The following ANK1 variants were observed in gnomAD, a reference collection of about 807,000 sequenced individuals.
The protein encoded by ANK1 is ankyrin-1.
A neutral mutation model predicts 210.4 loss-of-function variants in ANK1; 51 were observed. The observed-to-expected ratio is 0.24, with a 90% CI of 0.19 to 0.31. The LOEUF (loss-of-function observed/expected upper bound fraction) is 0.31. ANK1 is among the 10% of genes least tolerant of loss of function. ANK1 has a pLI of 1.00. For missense variants in ANK1, 2,051 were observed against 2,504.4 expected (o/e 0.82, Z 3.86); for synonymous variants, 967 against 1,025.9 (o/e 0.94, Z 1.10).
At chr8:41,701,440 G>A in intron 22 of ANK1, 110 bp downstream of exon 22, 1 of 943,610 alleles carries the variant, frequency 1.1e-6, no homozygotes, top group South Asian at 1.3e-5. Context: ...CATCTATAGT[G>A]CTTGGGCGTG....
chr8:41,681,145 C>G (rs774390434), intron 37 of ANK1, among the ~76,000 whole-genome samples: 4 of 152,180 alleles, frequency 2.6e-5, no homozygotes, highest in Non-Finnish European at 4.4e-5. Flanking sequence ...GGTCATCAGA[C>G]AGCCTCACCC....
rs80338618 is a variant in ANK1 at position 41,692,353 on chromosome 8, G to A, written c.3858+295C>T. Among the ~76,000 whole-genome samples, 11,405 of 152,218 alleles carry A rather than the reference G, an allele frequency of 0.075. 1,300 individuals are homozygous for A. Among genetic ancestry groups the A allele is most frequent in the African/African-American group, 0.24 (10,129 of 41,492 alleles). On this transcript the variant is annotated intron_variant, in intron 31 of 42. Coordinates refer to ENST00000289734, the MANE Select transcript of ANK1 (RefSeq NM_000037.4). ...ATGAAAGGCGTGAGCCACTGCGCCCGGCATGGCCAGCACTTTTAATAGTCC... is the reference window on the plus strand; with the variant it reads ...ATGAAAGGCGTGAGCCACTGCGCCCAGCATGGCCAGCACTTTTAATAGTCC...
chr8:41,727,416 G>A (rs750625044), intron 4 of ANK1, 68 bp from the exon 5 acceptor site: 25 of 1,128,586 alleles, frequency 2.2e-5, no homozygotes, highest in Non-Finnish European at 2.5e-5. Flanking sequence ...CCAGCACAAC[G>A]TCCTCTCACC....
chr8:41,682,308 A>G (rs555621320), intron 37 of ANK1, among the ~76,000 whole-genome samples: 2 of 152,246 alleles, frequency 1.3e-5, no homozygotes, highest in Admixed American at 1.3e-4. Context: ...CAAGTCCTCG[A>G]GTGCCACCCG....
chr8:41,854,947 CA>C (rs1230126959), intron 1 of ANK1, among the ~76,000 whole-genome samples: 1 of 108,182 alleles, frequency 9.2e-6, no homozygotes, highest in African/African-American at 3.9e-5. Context: ...AACCCTATCT[CA>C]AAAGAAAAAA....
chr8:41,661,941 T>C lies in ANK1; in HGVS notation c.5479A>G (p.Ile1827Val). The C allele has an allele frequency of 6.2e-7, 1 of 1,613,750 alleles. No individual in the cohort carries two copies. Among genetic ancestry groups the C allele is most frequent in the Non-Finnish European group, 8.5e-7 (1 of 1,179,982 alleles). Residue 1827 changes from isoleucine (I) to valine (V), a missense_variant and splice_region_variant, in exon 41 of 43, where the codon ATC becomes GTC. Physicochemically the swap from Ile to Val is conservative, Grantham distance 29. Around this residue, in one of 6 missense-constraint regions of ANK1, gnomAD observed 496 missense variants for 533.4 expected, o/e 0.93. Transcript: ENST00000289734. ...ATCTGTCGAACCACCTTGCGAATGA[T>C]CTAGGAAAGGAAGGGAAGGAGGAAA... ...DEQGNIVTKK[I>V]IRKVVRQIDL...
At chr8:41,893,610 C>T (rs1819875021) in intron 1 of ANK1, among the ~76,000 whole-genome samples, 1 of 152,356 alleles carries the variant, frequency 6.6e-6, no homozygotes, top group Non-Finnish European at 1.5e-5. Flanking sequence ...TGCGGTTCTG[C>T]TCAGTCAGTC....
At chr8:41,749,524 T>C (rs1406014551) in intron 2 of ANK1, among the ~76,000 whole-genome samples, 3 of 148,480 alleles carry the variant, frequency 2.0e-5, no homozygotes, top group Non-Finnish European at 4.4e-5. Context: ...CTCAAACTCA[T>C]GACCTCAGGT....
intron 2 of ANK1, among the ~76,000 whole-genome samples, chr8:41,747,319 G>A (rs564919215): frequency 6.6e-6 from 1 of 152,072 alleles, no homozygotes; most frequent in Admixed American, 6.6e-5. Flanking sequence ...AAGCAGAGAG[G>A]CAAATCTTCC....
rs561432707 is a variant in ANK1 at position 41,717,714 on chromosome 8, A to G, written c.1207-12T>C. On this transcript the variant is annotated splice_polypyrimidine_tract_variant and intron_variant, in intron 11 of 42. Coordinates refer to ENST00000289734, the MANE Select transcript of ANK1 (RefSeq NM_000037.4). ...GGTGTCAGGCCAGACTGAAACAGAC[A>G]AAGGCAGAGTCCGATAAGTGGGAGT... 1.4e-5 allele frequency: 22 copies of G among 1,548,336 alleles called. No individual in the cohort carries two copies. The African/African-American group carries it at 2.6e-4, about 18-fold the overall frequency.
At chr8:41,815,589 C>T (rs1803191010) in intron 1 of ANK1, among the ~76,000 whole-genome samples, 1 of 151,978 alleles carries the variant, frequency 6.6e-6, no homozygotes, top group Non-Finnish European at 1.5e-5. Context: ...GTTATTTTCC[C>T]TCTACAAAAA....
intron 1 of ANK1, among the ~76,000 whole-genome samples, chr8:41,841,664 C>T (rs902779942): frequency 1.3e-5 from 2 of 152,094 alleles, no homozygotes; most frequent in African/African-American, 4.8e-5. Context: ...GATGTCCAAA[C>T]TCATCAAATG....
chr8:41,818,051 G>A (rs970182642), intron 1 of ANK1, among the ~76,000 whole-genome samples: 5 of 152,156 alleles, frequency 3.3e-5, no homozygotes, highest in Admixed American at 1.3e-4. Flanking sequence ...AATAACCCAC[G>A]TGCCCCCGCT....
At chr8:41,829,306 T>A (rs1806130179) in intron 1 of ANK1, 1 of 152,366 alleles carries the variant, frequency 6.6e-6, no homozygotes, top group South Asian at 2.1e-4. Flanking sequence ...CTTTCGTCGC[T>A]GGAACAAAAC....
chr8:41,861,845 T>C (rs1304275041), intron 1 of ANK1, among the ~76,000 whole-genome samples: 1 of 152,220 alleles, frequency 6.6e-6, no homozygotes, highest in Non-Finnish European at 1.5e-5. Context: ...GAGACTCACA[T>C]TGAACTTTCT....
At chr8:41,831,079 C>T (rs987890449) in intron 1 of ANK1, among the ~76,000 whole-genome samples, 1 of 152,170 alleles carries the variant, frequency 6.6e-6, no homozygotes, top group Admixed American at 6.5e-5. Flanking sequence ...GAGATACAGA[C>T]GAAAGCACAG....
chr8:41,855,787 G>T (rs116738376), intron 1 of ANK1, among the ~76,000 whole-genome samples: 5 of 152,008 alleles, frequency 3.3e-5, no homozygotes, highest in African/African-American at 9.7e-5. Flanking sequence ...TTAACCCAAG[G>T]GGGTAGGACT....
intron 30 of ANK1, 23 bp from the exon 31 acceptor site, chr8:41,692,899 T>G (rs1819671260): frequency 6.2e-7 from 1 of 1,605,046 alleles, no homozygotes; most frequent in Admixed American, 1.7e-5. Flanking sequence ...GCGAGTTATG[T>G]GTTCCCAAGT....
rs774775507 is a variant in ANK1 at position 41,719,677 on chromosome 8, G to T, written c.1091C>A (p.Pro364His). The T allele has an allele frequency of 4.3e-6, 7 of 1,614,076 alleles. No individual in the cohort carries two copies. Among genetic ancestry groups the T allele is most frequent in the Non-Finnish European group, 5.9e-6 (7 of 1,180,042 alleles). The change falls in exon 10 of 43, where the codon CCC (proline) becomes CAC (histidine). Residue 364 changes from proline (P) to histidine (H), a missense_variant. By Grantham distance (77) the Pro-to-His change is moderately conservative. Transcript: ENST00000289734. Reference sequence around the variant, plus strand: ...CCCACTCACCAGGGCTCTGGAGTTGGGTTTGGCCCCTTTATCCAGAAGGAC... The same window carrying T: ...CCCACTCACCAGGGCTCTGGAGTTGTGTTTGGCCCCTTTATCCAGAAGGAC... ...AKVLLDKGAKPNSRALNGFTP... is the reference protein window; with the variant it reads ...AKVLLDKGAKHNSRALNGFTP...
Sources: allele counts gnomAD v4.1 joint callset (sites outside exome capture counted in the v4.1 genomes callset), GRCh38; gene constraint gnomAD v4.1.1; regional missense constraint gnomAD v4.1.1; transcripts MANE v1.5; gene names NCBI Gene and HGNC (gene_info 2026-07-23, HGNC 2026-07-21).